PTPRT: variants seen among roughly 807,000 people sequenced by gnomAD.
The protein encoded by PTPRT is receptor-type tyrosine-protein phosphatase T.
In PTPRT, 56 loss-of-function variants were observed where a neutral mutation model predicts 176.8. The ratio of observed to expected loss-of-function variants is 0.32; its 90% confidence interval spans 0.26 to 0.40. The LOEUF is 0.40. Ranked by LOEUF, PTPRT falls within the 10% of genes least tolerant of loss-of-function variation. PTPRT has a pLI of 1.00. For synonymous variants in PTPRT, 783 were observed against 739.0 expected, an observed-to-expected ratio of 1.06 and a Z score of -0.96; for missense variants, 1,540 against 1,908.2, an observed-to-expected ratio of 0.81 and a Z score of 3.60.
chr20:42,684,983 C>T (rs547415201), intron 6 of PTPRT, among the ~76,000 whole-genome samples: 1 of 152,150 alleles, frequency 6.6e-6, no homozygotes, highest in African/African-American at 2.4e-5. Flanking sequence ...GTCTTCACAG[C>T]AACTTTATGG....
intron 17 of PTPRT, among the ~76,000 whole-genome samples, chr20:42,143,696 C>T (rs768754099): frequency 3.9e-5 from 6 of 152,036 alleles, no homozygotes; most frequent in Non-Finnish European, 7.4e-5. Flanking sequence ...TGGGTTGCCT[C>T]GGAAGCAGAC....
chr20:43,085,578 G>T (rs1436855856), intron 1 of PTPRT, among the ~76,000 whole-genome samples: 1 of 152,140 alleles, frequency 6.6e-6, no homozygotes, highest in African/African-American at 2.4e-5. Flanking sequence ...CACAATCATG[G>T]CAGAAGGTGA....
In PTPRT at chr20:42,314,543, GAAAGAAAAGA is replaced by G. The variant is rs749190527; in HGVS notation, c.2139+1170_2139+1179del. Among the ~76,000 whole-genome samples the G allele has an allele frequency of 2.3e-4, 27 of 119,240 alleles. No individual in the cohort carries two copies. In the South Asian group the frequency reaches 3.0e-3, roughly 13 times the overall value. 78.2% of individuals were successfully genotyped at this position (119,240 alleles called of 152,430 possible). ...GACTGTGTCAAAAAAAAAAAAAAAA[GAAAGAAAAGA>G]AAAGAAAAGAAAAGAAATATGAAAA... On this transcript the variant is annotated intron_variant, in intron 12 of 30. Transcript: ENST00000373187.
At chr20:42,249,821 G>A (rs753113045) in intron 13 of PTPRT, among the ~76,000 whole-genome samples, 6 of 152,178 alleles carry the variant, frequency 3.9e-5, no homozygotes, top group Non-Finnish European at 7.3e-5. Context: ...TTCATGCTAC[G>A]TACTAGGGAT....
At chr20:43,064,525 G>A (rs138415817) in intron 1 of PTPRT, among the ~76,000 whole-genome samples, 197 of 152,230 alleles carry the variant, frequency 1.3e-3, no homozygotes, top group African/African-American at 4.4e-3. Context: ...ACAAAAGAAC[G>A]TTAACACCTA....
At chr20:42,409,034 C>A (rs1200057300) in intron 9 of PTPRT, among the ~76,000 whole-genome samples, 1 of 152,188 alleles carries the variant, frequency 6.6e-6, no homozygotes, top group African/African-American at 2.4e-5. Context: ...AATACTATCA[C>A]ACTGATGATG....
intron 7 of PTPRT, among the ~76,000 whole-genome samples, chr20:42,645,374 G>C (rs566692725): frequency 1.8e-4 from 28 of 152,270 alleles, no homozygotes; most frequent in Admixed American, 7.8e-4. Flanking sequence ...ACTTTCTAAG[G>C]TATATGTGTG....
chr20:43,088,858 G>A (rs888995303), intron 1 of PTPRT, among the ~76,000 whole-genome samples: 5 of 152,044 alleles, frequency 3.3e-5, no homozygotes, highest in African/African-American at 7.2e-5. Flanking sequence ...TGAATCTGTC[G>A]TGATTCTAGA....
chr20:43,074,615 C>A (rs1425469271), intron 1 of PTPRT, among the ~76,000 whole-genome samples: 1 of 152,154 alleles, frequency 6.6e-6, no homozygotes, highest in Non-Finnish European at 1.5e-5. Context: ...AGTGGCAGAG[C>A]CTAAATTTGG....
intron 11 of PTPRT, among the ~76,000 whole-genome samples, chr20:42,350,228 T>TTG (rs1555830566): frequency 0.011 from 1,320 of 118,028 alleles, 40 homozygotes; most frequent in African/African-American, 0.033. Context: ...TTTTTTTTTT[T>TTG]TTTTTTTTTT....
intron 1 of PTPRT, among the ~76,000 whole-genome samples, chr20:43,021,009 A>C (rs1985650897): frequency 1.3e-5 from 2 of 152,158 alleles, no homozygotes; most frequent in Non-Finnish European, 2.9e-5. Flanking sequence ...ATGCCAACTG[A>C]CCAAACCAGA....
intron 1 of PTPRT, among the ~76,000 whole-genome samples, chr20:42,986,393 G>T (rs935983544): frequency 7.2e-5 from 11 of 152,098 alleles, no homozygotes; most frequent in Admixed American, 4.6e-4. Flanking sequence ...GACGACCAGC[G>T]TTTGATGAAA....
intron 7 of PTPRT, among the ~76,000 whole-genome samples, chr20:42,609,928 G>A (rs938087869): frequency 2.0e-5 from 3 of 152,200 alleles, no homozygotes; most frequent in Non-Finnish European, 4.4e-5. Context: ...TGTGACAAAT[G>A]TGCTGTGGCC....
chr20:42,225,695 C>T (rs1297180493), intron 15 of PTPRT, among the ~76,000 whole-genome samples: 1 of 152,152 alleles, frequency 6.6e-6, no homozygotes, highest in Non-Finnish European at 1.5e-5. Context: ...CTTTGTCGCC[C>T]AGGCTGGAGC....
intron 3 of PTPRT, among the ~76,000 whole-genome samples, chr20:42,783,135 A>C (rs1185925027): frequency 6.6e-6 from 1 of 152,354 alleles, no homozygotes; most frequent in South Asian, 2.1e-4. Flanking sequence ...CTTTGGGCCT[A>C]TACATTTTCT....
intron 7 of PTPRT, among the ~76,000 whole-genome samples, chr20:42,626,582 T>G (rs1409225969): frequency 6.6e-6 from 1 of 152,224 alleles, no homozygotes; most frequent in African/African-American, 2.4e-5. Context: ...CTTCTAGACT[T>G]CTCATCCTGC....
At chr20:42,131,331 G>C (rs545305684) in intron 18 of PTPRT, among the ~76,000 whole-genome samples, 1 of 152,174 alleles carries the variant, frequency 6.6e-6, no homozygotes, top group South Asian at 2.1e-4. Context: ...CCTCAAAAAA[G>C]TGAAAATGCA....
At chr20:42,734,508 T>C (rs1295857310) in intron 6 of PTPRT, among the ~76,000 whole-genome samples, 5 of 152,114 alleles carry the variant, frequency 3.3e-5, no homozygotes, top group African/African-American at 7.2e-5. Flanking sequence ...CTTAGCATTA[T>C]AGAAGGGCAG....
intron 2 of PTPRT, among the ~76,000 whole-genome samples, chr20:42,866,555 G>T (rs976357227): frequency 6.6e-6 from 1 of 152,010 alleles, no homozygotes; most frequent in Non-Finnish European, 1.5e-5. Flanking sequence ...GCTCCAAGTT[G>T]CCTTTCACAC....
Sources: allele counts gnomAD v4.1 joint callset (sites outside exome capture counted in the v4.1 genomes callset), GRCh38; gene constraint gnomAD v4.1.1; transcripts MANE v1.5; gene names NCBI Gene and HGNC (gene_info 2026-07-23, HGNC 2026-07-21).